Variants in PTPRT observed in about 807,000 individuals in gnomAD.
The protein encoded by PTPRT is protein tyrosine phosphatase receptor type T, also known as receptor-type tyrosine-protein phosphatase T.
PTPRT carries 56 observed loss-of-function variants against 176.8 expected under a neutral mutation model. That is an observed-to-expected ratio of 0.32 (90% CI 0.26 to 0.40). The LOEUF (loss-of-function observed/expected upper bound fraction) is 0.40, where lower values mean the gene tolerates loss of function less well. Ranked by LOEUF, PTPRT falls within the 10% of genes least tolerant of loss-of-function variation. The probability of loss-of-function intolerance (pLI) is 1.00; values close to 1 mark genes in which losing one functional copy is unlikely to be tolerated. For synonymous variants in PTPRT, 783 were observed against 739.0 expected (o/e 1.06, Z -0.96); for missense variants, 1,540 against 1,908.2 (o/e 0.81, Z 3.60).
At chr20:43,052,242 G>A (rs1987077029) in intron 1 of PTPRT, among the ~76,000 whole-genome samples, 1 of 152,162 alleles carries the variant, frequency 6.6e-6, no homozygotes, top group Non-Finnish European at 1.5e-5. Flanking sequence ...AACACAACAG[G>A]GGTAATGATT....
At chr20:42,714,291 C>T (rs570264849) in intron 6 of PTPRT, among the ~76,000 whole-genome samples, 7 of 152,304 alleles carry the variant, frequency 4.6e-5, no homozygotes, top group Non-Finnish European at 7.3e-5. Flanking sequence ...GCCTGATGAG[C>T]ATTTTCTCAC....
At chr20:42,951,348 A>G (rs1981235705) in intron 1 of PTPRT, among the ~76,000 whole-genome samples, 1 of 151,362 alleles carries the variant, frequency 6.6e-6, no homozygotes, top group Non-Finnish European at 1.5e-5. Flanking sequence ...ATGAATGGGC[A>G]GATGGATAGA....
chr20:42,548,680 C>A (rs1191319612), intron 7 of PTPRT, among the ~76,000 whole-genome samples: 1 of 152,076 alleles, frequency 6.6e-6, no homozygotes, highest in Non-Finnish European at 1.5e-5. Flanking sequence ...AAGCAGAACA[C>A]AGATTGGGAA....
In PTPRT at chr20:42,193,887, G is replaced by C. The variant is rs527630116; in HGVS notation, c.2491+5353C>G. 3.0e-4 allele frequency among the ~76,000 whole-genome samples: 46 copies of C among 152,006 alleles called. 1 individual carries two copies. Among genetic ancestry groups the C allele is most frequent in the Admixed American group, 3.0e-3 (46 of 15,262 alleles). On this transcript the variant is annotated intron_variant, in intron 16 of 30. Coordinates refer to ENST00000373187, the MANE Select transcript of PTPRT (RefSeq NM_007050.6). ...TTTCTCACTATTTTTTAAATTGTAG[G>C]TTCTTTTATTGGATATATCCCCAAA...
At chr20:42,734,026 C>G (rs6124488) in intron 6 of PTPRT, among the ~76,000 whole-genome samples, 1 of 152,190 alleles carries the variant, frequency 6.6e-6, no homozygotes. Context: ...CAATTCAGAC[C>G]TAGGGGCCCT....
intron 9 of PTPRT, among the ~76,000 whole-genome samples, chr20:42,363,884 A>G (rs1600896441): frequency 1.3e-5 from 2 of 152,098 alleles, no homozygotes; most frequent in East Asian, 1.9e-4. Context: ...CTCTTTTGTC[A>G]TCATGAAGAG....
intron 1 of PTPRT, among the ~76,000 whole-genome samples, chr20:43,047,394 A>C (rs982422187): frequency 1.3e-5 from 2 of 152,182 alleles, no homozygotes; most frequent in African/African-American, 4.8e-5. Flanking sequence ...TCCTGACTTC[A>C]GCTATTAGCT....
intron 8 of PTPRT, among the ~76,000 whole-genome samples, chr20:42,454,178 C>A (rs1601055710): frequency 6.6e-6 from 1 of 152,062 alleles, no homozygotes; most frequent in African/African-American, 2.4e-5. Flanking sequence ...TATTTTGATG[C>A]ACATAGTTGT....
intron 7 of PTPRT, among the ~76,000 whole-genome samples, chr20:42,665,657 G>A (rs1284839096): frequency 2.0e-5 from 3 of 151,996 alleles, no homozygotes; most frequent in Admixed American, 2.0e-4. Context: ...TGTTTATTGC[G>A]GCACTAATCA....
chr20:42,300,514 T>C (rs1288158274), intron 12 of PTPRT, among the ~76,000 whole-genome samples: 3 of 151,916 alleles, frequency 2.0e-5, no homozygotes, highest in Non-Finnish European at 2.9e-5. Context: ...AAAAGAACCA[T>C]CTTGAAGGGG....
At chr20:42,666,136 AT>A (rs1258975772) in intron 7 of PTPRT, among the ~76,000 whole-genome samples, 2 of 152,188 alleles carry the variant, frequency 1.3e-5, no homozygotes, top group African/African-American at 4.8e-5. Flanking sequence ...AAAGAAGAAA[AT>A]AAAATAAAAT....
chr20:42,687,901 A>G (rs760580251), intron 6 of PTPRT: 4 of 152,250 alleles, frequency 2.6e-5, no homozygotes, highest in Non-Finnish European at 5.9e-5. Context: ...GCCTGGCTCT[A>G]TTTCGGGATT....
At chr20:42,297,935 G>A (rs1003952295) in intron 12 of PTPRT, among the ~76,000 whole-genome samples, 1 of 152,024 alleles carries the variant, frequency 6.6e-6, no homozygotes, top group Non-Finnish European at 1.5e-5. Context: ...GCAAACATGG[G>A]TAAATTCCTT....
chr20:42,046,639 T>A, the PTPRT span, among the ~76,000 whole-genome samples: 868 of 152,292 alleles, frequency 5.7e-3, 4 homozygotes, highest in African/African-American at 0.02. Flanking sequence ...GGCCTGTTCT[T>A]CCCTCTTTAT....
chr20:43,117,295 T>C (rs1361411315), intron 1 of PTPRT, among the ~76,000 whole-genome samples: 1 of 152,202 alleles, frequency 6.6e-6, no homozygotes, highest in African/African-American at 2.4e-5. Flanking sequence ...TAATCTAGTC[T>C]ACCATGAGAA....
intron 1 of PTPRT, among the ~76,000 whole-genome samples, chr20:43,034,978 C>A (rs1237214241): frequency 1.3e-5 from 2 of 151,284 alleles, no homozygotes; most frequent in African/African-American, 4.9e-5. Flanking sequence ...AGTAACAATG[C>A]TGGGATTAGG....
intron 9 of PTPRT, among the ~76,000 whole-genome samples, chr20:42,358,736 G>A (rs1006163472): frequency 6.6e-6 from 1 of 152,206 alleles, no homozygotes; most frequent in African/African-American, 2.4e-5. Flanking sequence ...CTGTACTTCA[G>A]TGAGCTGATG....
At chr20:42,696,189 A>C (rs2075872685) in intron 6 of PTPRT, among the ~76,000 whole-genome samples, 1 of 141,428 alleles carries the variant, frequency 7.1e-6, no homozygotes, top group African/African-American at 2.7e-5. Context: ...CTATCTCCCA[A>C]TCATCTCTCT....
chr20:42,443,075 G>A (rs1444326099), intron 9 of PTPRT, among the ~76,000 whole-genome samples: 1 of 152,160 alleles, frequency 6.6e-6, no homozygotes, highest in African/African-American at 2.4e-5. Context: ...TATTCCTGAT[G>A]TAAATATTGT....
Sources: gnomAD v4.1 joint callset for allele counts (sites outside exome capture counted in the v4.1 genomes callset) on GRCh38, gnomAD v4.1.1 for gene constraint, MANE v1.5 for transcripts, NCBI Gene and HGNC (gene_info 2026-07-23, HGNC 2026-07-21) for gene names.